The following AMOTL1 variants were observed in gnomAD, a reference collection of about 807,000 sequenced individuals.
AMOTL1 encodes the protein angiomotin-like protein 1.
In AMOTL1, 45 loss-of-function variants were observed where a neutral mutation model predicts 102.9. The observed-to-expected ratio is 0.44, with a 90% CI of 0.34 to 0.56. The LOEUF is 0.56. AMOTL1 is among the 20% of genes least tolerant of loss of function. The probability of loss-of-function intolerance (pLI) is 0.01; values close to 1 mark genes in which losing one functional copy is unlikely to be tolerated. For synonymous variants in AMOTL1, 481 were observed against 484.7 expected (o/e 0.99, Z 0.10); for missense variants, 1,114 against 1,225.6 (o/e 0.91, Z 1.36).
At chr11:94,829,285 G>A (rs994552544) in intron 4 of AMOTL1, among the ~76,000 whole-genome samples, 1 of 149,614 alleles carries the variant, frequency 6.7e-6, no homozygotes, top group Non-Finnish European at 1.5e-5. Context: ...GTGCAGTGAC[G>A]TGATCTTGCT....
At chr11:94,757,868 C>A (rs1408374036) in intron 3 of AMOTL1, among the ~76,000 whole-genome samples, 2 of 152,142 alleles carry the variant, frequency 1.3e-5, no homozygotes, top group African/African-American at 4.8e-5. Flanking sequence ...TCAAGACCAG[C>A]CTGACCAACA....
chr11:94,859,407 G>A, intron 8 of AMOTL1, 118 bp from the exon 9 acceptor site: 3 of 985,178 alleles, frequency 3.0e-6, no homozygotes, highest in Non-Finnish European at 2.9e-6. Flanking sequence ...TGGAGGTGAA[G>A]TAGCATGGTG....
At position 94,762,830 on chromosome 11, in the gene AMOTL1, G is replaced by A. The variant is rs193062516; in HGVS notation, c.136+21842G>A. Among the ~76,000 whole-genome samples the A allele has an allele frequency of 2.0e-5, 3 of 152,200 alleles. No homozygotes were observed. The East Asian group carries it at 5.8e-4, about 29-fold the overall frequency. On this transcript the variant is annotated intron_variant, in intron 3 of 4. Coordinates refer to the AMOTL1 transcript ENST00000299004. ...AAATTATGTGTTTAGTGCATATTAGGTAATATGCTTACAGGAGAAAGCAGT... is the reference window on the plus strand; with the variant it reads ...AAATTATGTGTTTAGTGCATATTAGATAATATGCTTACAGGAGAAAGCAGT...
chr11:94,716,553 C>T (rs1283666503), intron 1 of AMOTL1, among the ~76,000 whole-genome samples: 4 of 152,208 alleles, frequency 2.6e-5, no homozygotes, highest in African/African-American at 9.6e-5. Flanking sequence ...AGTTCCATGA[C>T]AATTTGTTTT....
At chr11:94,801,602 G>C (rs1951479742) in intron 3 of AMOTL1, among the ~76,000 whole-genome samples, 1 of 152,142 alleles carries the variant, frequency 6.6e-6, no homozygotes, top group Non-Finnish European at 1.5e-5. Context: ...GTCCAGATCA[G>C]AATTGGTGAG....
chr11:94,834,712 A>G (rs1355763593), intron 6 of AMOTL1, among the ~76,000 whole-genome samples: 1 of 152,192 alleles, frequency 6.6e-6, no homozygotes, highest in Non-Finnish European at 1.5e-5. Flanking sequence ...AGAGAATAAC[A>G]TGCTCAGCTT....
intron 3 of AMOTL1, among the ~76,000 whole-genome samples, chr11:94,754,714 T>C (rs947847301): frequency 6.6e-6 from 1 of 152,238 alleles, no homozygotes. Context: ...TAAAGGAATT[T>C]TAGGGATATA....
At chr11:94,707,244 C>CTG (rs1224329236) in intron 1 of AMOTL1, among the ~76,000 whole-genome samples, 1,406 of 55,330 alleles carry the variant, frequency 0.025, 15 homozygotes, top group East Asian at 0.12. Context: ...CTCTCTCTCT[C>CTG]TCTCTCTGTG....
At chr11:94,852,136 C>G (rs1952552520) in intron 7 of AMOTL1, among the ~76,000 whole-genome samples, 1 of 152,194 alleles carries the variant, frequency 6.6e-6, no homozygotes, top group Non-Finnish European at 1.5e-5. Flanking sequence ...TCAGATGAGG[C>G]TGCAGGAACC....
At chr11:94,794,442 C>G (rs1951331385) in intron 1 of AMOTL1, among the ~76,000 whole-genome samples, 1 of 152,130 alleles carries the variant, frequency 6.6e-6, no homozygotes. Flanking sequence ...GCTGAAAGGC[C>G]AGTGCTTGGC....
intron 1 of AMOTL1, among the ~76,000 whole-genome samples, chr11:94,792,010 A>C (rs774103349): frequency 1.2e-4 from 19 of 152,322 alleles, no homozygotes; most frequent in Middle Eastern, 3.4e-3. Flanking sequence ...TGTGACTCAC[A>C]TTACTGTCAC....
intron 3 of AMOTL1, among the ~76,000 whole-genome samples, chr11:94,743,651 C>CTTTTTTTTTTTTTTTT (rs760828820): frequency 4.1e-5 from 4 of 98,188 alleles, no homozygotes; most frequent in African/African-American, 1.9e-4. Flanking sequence ...CACAATACTT[C>CTTTTTTTTTTTTTTTT]TTTTTTTTTT....
intron 3 of AMOTL1, among the ~76,000 whole-genome samples, chr11:94,760,402 C>A (rs1323723091): frequency 6.6e-6 from 1 of 152,218 alleles, no homozygotes; most frequent in African/African-American, 2.4e-5. Flanking sequence ...TCCTAAAGAG[C>A]TTTCCTGGGC....
At chr11:94,857,136 A>C (rs557739976) in intron 8 of AMOTL1, among the ~76,000 whole-genome samples, 1 of 152,178 alleles carries the variant, frequency 6.6e-6, no homozygotes, top group Non-Finnish European at 1.5e-5. Context: ...CTGAGCCTCA[A>C]CTTCCTTGTC....
rs1260419060 is a variant in AMOTL1 at position 94,819,450 on chromosome 11, T to C, written c.1122-2080T>C. Among the ~76,000 whole-genome samples, 8 of 152,220 alleles carry C rather than the reference T, an allele frequency of 5.3e-5. No individual in the cohort carries two copies. In the East Asian group the frequency reaches 7.7e-4, roughly 15 times the overall value. ...GATTAGTTCCTCTGCCCTATTTTTT[T>C]ACTAAGCCAGACTAAGGTGTAAGTG... On this transcript the variant is annotated intron_variant, in intron 3 of 12. Transcript: ENST00000433060.
intron 3 of AMOTL1, among the ~76,000 whole-genome samples, chr11:94,762,420 T>G (rs1228388503): frequency 3.3e-5 from 5 of 152,180 alleles, no homozygotes; most frequent in African/African-American, 1.2e-4. Flanking sequence ...GAGGGGGTGG[T>G]TGCCACTGGC....
At chr11:94,791,651 T>C (rs777212184) in intron 1 of AMOTL1, among the ~76,000 whole-genome samples, 3 of 152,074 alleles carry the variant, frequency 2.0e-5, no homozygotes, top group Non-Finnish European at 2.9e-5. Flanking sequence ...GCTCAGCCCC[T>C]GGTACCGAGC....
intron 3 of AMOTL1, among the ~76,000 whole-genome samples, chr11:94,807,735 G>T (rs1951590949): frequency 6.6e-6 from 1 of 151,968 alleles, no homozygotes; most frequent in African/African-American, 2.4e-5. Context: ...GTTATGGAAG[G>T]TTGCATATGT....
intron 7 of AMOTL1, among the ~76,000 whole-genome samples, chr11:94,851,344 T>G (rs1299796498): frequency 3.9e-5 from 6 of 152,236 alleles, no homozygotes; most frequent in African/African-American, 1.4e-4. Context: ...AATATTTCTA[T>G]TAAAGTAAAA....
Sources: gnomAD v4.1 joint callset for allele counts (sites outside exome capture counted in the v4.1 genomes callset) on GRCh38, gnomAD v4.1.1 for gene constraint, MANE v1.5 for transcripts, NCBI Gene and HGNC (gene_info 2026-07-23, HGNC 2026-07-21) for gene names.